Variants in GRIN2C observed in about 807,000 individuals in gnomAD.
GRIN2C encodes glutamate receptor ionotropic, NMDA 2C.
GRIN2C carries 64 observed loss-of-function variants against 77.7 expected under a neutral mutation model. That is an observed-to-expected ratio of 0.82 (90% CI 0.67 to 1.01). The LOEUF (loss-of-function observed/expected upper bound fraction) is 1.01, where lower values mean the gene tolerates loss of function less well. Ranked by LOEUF, GRIN2C falls within the 50% of genes least tolerant of loss-of-function variation. The pLI is 0.00. For synonymous variants in GRIN2C, 792 were observed against 643.4 expected (o/e 1.23, Z -3.49); for missense variants, 1,549 against 1,486.0 (o/e 1.04, Z -0.70).
intron 4 of GRIN2C, 67 bp downstream of exon 4, chr17:74,851,510 G>A (rs1319926821): frequency 1.2e-6 from 1 of 855,994 alleles, no homozygotes; most frequent in Admixed American, 2.0e-5. Flanking sequence ...GCTCAGCTGT[G>A]GGCACAAGAG....
chr17:74,852,019 A>G lies in GRIN2C; in HGVS notation c.992T>C (p.Phe331Ser). The G allele has an allele frequency of 1.4e-6, 2 of 1,466,160 alleles. No homozygotes were observed. Among genetic ancestry groups the G allele is most frequent in the Non-Finnish European group, 1.8e-6 (2 of 1,107,488 alleles). The allele number at this position is 1,466,160 out of a possible 1,614,324, so 90.8% of individuals were successfully genotyped here. Residue 331 changes from phenylalanine to serine, a missense_variant, in exon 3 of 13, where the codon TTC becomes TCC. By Grantham distance (155) the Phe-to-Ser change is radical. Transcript: ENST00000293190. Reference sequence around the variant, plus strand: ...GCCCCGGGCAGGTGCCCACCTGTAGAAGGCCTCCCGGGCAGGGCTGACGGG... The same window carrying G: ...GCCCCGGGCAGGTGCCCACCTGTAGGAGGCCTCCCGGGCAGGGCTGACGGG... ...PGPVSPAREA[F>S]YRHLLNVTWE...
chr17:74,843,589 C>A lies in GRIN2C; in HGVS notation c.2584-36G>T, dbSNP rs1353620162. On this transcript the variant is annotated intron_variant, in intron 12 of 12. Coordinates refer to ENST00000293190, the MANE Select transcript of GRIN2C (RefSeq NM_000835.6). ...GGGAGACGACAGGCCGTAAGCAGCG[C>A]CCTCCGCTCAGGGACCCGCCACGAT... is the stretch of plus-strand genomic sequence containing the variant. 3.3e-6 allele frequency: 5 copies of A among 1,526,428 alleles called. No homozygotes were observed. In the South Asian group the frequency reaches 6.0e-5, roughly 18 times the overall value. 94.6% of individuals were successfully genotyped at this position (1,526,428 alleles called of 1,614,324 possible).
intron 1 of GRIN2C, among the ~76,000 whole-genome samples, chr17:74,856,376 G>A (rs976624726): frequency 1.3e-5 from 2 of 152,122 alleles, no homozygotes; most frequent in East Asian, 1.9e-4. Context: ...CCACGCCTCC[G>A]AAAGACAGAT....
upstream of GRIN2C, chr17:74,860,940 C>G (rs1033490163): frequency 5.4e-6 from 1 of 186,356 alleles, no homozygotes; most frequent in Admixed American, 5.8e-5. Context: ...CGCACAGCCC[C>G]CTTTCACCTT....
intron 11 of GRIN2C, 37 bp from the exon 12 acceptor site, chr17:74,844,545 C>G: frequency 6.3e-7 from 1 of 1,599,174 alleles, no homozygotes; most frequent in South Asian, 1.1e-5. Flanking sequence ...GCTCAGGAAA[C>G]CCCCCTATAA....
chr17:74,842,430 A>G lies in GRIN2C; in HGVS notation c.*5T>C. The G allele has an allele frequency of 1.3e-6, 1 of 771,494 alleles. No individual in the cohort carries two copies. 47.8% of individuals were successfully genotyped at this position (771,494 alleles called of 1,614,324 possible). ...AGCTGGCTCGGAGCCTGAGTGGCTG[A>G]TAACTCACACTTCTGACTCCAGACT... On this transcript the variant is annotated 3_prime_UTR_variant, in exon 13 of 13. Coordinates refer to ENST00000293190, the MANE Select transcript of GRIN2C (RefSeq NM_000835.6).
chr17:74,860,212 A>G (rs1419491012), upstream of GRIN2C, among the ~76,000 whole-genome samples: 1 of 152,216 alleles, frequency 6.6e-6, no homozygotes, highest in Non-Finnish European at 1.5e-5. Context: ...CAAAGTCACT[A>G]GCACCGCCAA....
rs1357233745 is a variant in GRIN2C, at chr17:74,847,410, G to A, written c.1899C>T (p.Ala633=). Residue 633 remains alanine, a synonymous_variant, in exon 9 of 13, where the codon GCC becomes GCT. Coordinates refer to ENST00000293190, the MANE Select transcript of GRIN2C (RefSeq NM_000835.6). The surrounding 1 kb of genome is among the most constrained non-coding windows in gnomAD (Gnocchi z 5.2). ...TGGCGAGGAAGATGACAGCAAAGAA[G>A]GCCCAGACCAGAACCATGATCTTGC... The part of the protein sequence containing the change: ...TTSKIMVLVW[A]FFAVIFLASY... The A allele has an allele frequency of 6.2e-7, 1 of 1,613,998 alleles. No individual in the cohort carries two copies. Among genetic ancestry groups the A allele is most frequent in the Admixed American group, 1.7e-5 (1 of 60,008 alleles).
rs776301299 is a variant in GRIN2C, at chr17:74,852,067, C to T, written c.944G>A (p.Gly315Glu). 1 of 1,458,016 alleles carries T rather than the reference C, an allele frequency of 6.9e-7. No individual in the cohort carries two copies. The highest frequency in any genetic ancestry group is 2.6e-5 in the East Asian group (1 of 38,540). 90.3% of individuals were successfully genotyped at this position (1,458,016 alleles called of 1,614,324 possible). Residue 315 changes from glycine (G) to glutamate (E), a missense_variant, in exon 3 of 13, where the codon GGG (glycine) becomes GAG (glutamate). Physicochemically the swap from Gly to Glu is moderately conservative, Grantham distance 98. Coordinates refer to ENST00000293190, the MANE Select transcript of GRIN2C (RefSeq NM_000835.6). ...GGGCCCAGGGTGAACACGGCAGTCC[C>T]CGGCCGGGGCTGGCAGGGTTCCATG... ...RQHGTLPAPAGDCRVHPGPVS... is the reference protein window; with the variant it reads ...RQHGTLPAPAEDCRVHPGPVS...
rs576162554 is a variant in GRIN2C, at chr17:74,842,814, G to C, written c.3323C>G (p.Pro1108Arg). Reference sequence around the variant, plus strand: ...GCGCCTGCAGGCCGAGTGGCCGTCGGGGCGGGCGCAGGCGGGGCCGGTGCA... The same window carrying C: ...GCGCCTGCAGGCCGAGTGGCCGTCGCGGCGGGCGCAGGCGGGGCCGGTGCA... ...AGCTGPACAR[P>R]DGHSACRRLA... The change falls in exon 13 of 13, where the codon CCC becomes CGC. Residue 1108 changes from proline (P) to arginine (R), a missense_variant. Coordinates refer to ENST00000293190, the MANE Select transcript of GRIN2C (RefSeq NM_000835.6). 4.9e-6 allele frequency: 3 copies of C among 608,338 alleles called. No individual in the cohort carries two copies. The highest frequency in any genetic ancestry group is 3.8e-5 in the South Asian group (2 of 52,384). 37.7% of individuals were successfully genotyped at this position (608,338 alleles called of 1,614,324 possible). A position where few individuals can be genotyped will look rare whatever the true frequency, so the allele number is the denominator to read the frequency against.
Position 74,849,726 on chromosome 17 carries a change from C to A in GRIN2C, c.1645+54G>T. 6.4e-7 allele frequency: 1 copy of A among 1,553,618 alleles called. No individual in the cohort carries two copies. The highest frequency in any genetic ancestry group is 8.7e-7 in the Non-Finnish European group (1 of 1,143,168). Reference sequence around the variant, plus strand: ...CATCCCCACCCAAGCTGTACACACCCTCCTCGTGGGCCCCTCTGCCCCCGG... The same window carrying A: ...CATCCCCACCCAAGCTGTACACACCATCCTCGTGGGCCCCTCTGCCCCCGG... On this transcript the variant is annotated intron_variant, in intron 7 of 12. Transcript: ENST00000293190. This position sits in a 1 kb window ranked among gnomAD's most constrained non-coding sequence, Gnocchi z 4.6.
chr17:74,850,148 G>T lies in GRIN2C; in HGVS notation c.1491+58C>A. 1 of 1,576,390 alleles carries T rather than the reference G, an allele frequency of 6.3e-7. No individual in the cohort carries two copies. Among genetic ancestry groups the T allele is most frequent in the Non-Finnish European group, 8.7e-7 (1 of 1,151,154 alleles). On this transcript the variant is annotated intron_variant, in intron 6 of 12. Coordinates refer to ENST00000293190, the MANE Select transcript of GRIN2C (RefSeq NM_000835.6). The surrounding 1 kb of genome is among the most constrained non-coding windows in gnomAD (Gnocchi z 5.3). Reference sequence around the variant, plus strand: ...TAGAGGGCATCTGAGAGCCACATGGGGCCTGGGCAGCAGGTGGGCAGGCAG... The same window carrying T: ...TAGAGGGCATCTGAGAGCCACATGGTGCCTGGGCAGCAGGTGGGCAGGCAG...
Position 74,842,256 on chromosome 17 carries a change from C to G in GRIN2C, c.*179G>C. On this transcript the variant is annotated 3_prime_UTR_variant, in exon 13 of 13. Transcript: ENST00000293190. ...AGAAGAGGACAGCAAAAGCCCAGCC[C>G]TCACCATGATTTGAGGCTACTGAGG... The G allele has an allele frequency of 1.8e-6, 1 of 563,574 alleles. No individual in the cohort carries two copies. The highest frequency in any genetic ancestry group is 3.1e-6 in the Non-Finnish European group (1 of 318,632). The allele number at this position is 563,574 out of a possible 1,614,324, so 34.9% of individuals were successfully genotyped here.
Position 74,842,950 on chromosome 17 carries a change from G to C in GRIN2C, c.3187C>G (p.Arg1063Gly). The C allele has an allele frequency of 1.8e-6, 1 of 552,504 alleles. No individual in the cohort carries two copies. Among genetic ancestry groups the C allele is most frequent in the Non-Finnish European group, 3.2e-6 (1 of 315,166 alleles). 34.2% of individuals were successfully genotyped at this position (552,504 alleles called of 1,614,324 possible). A position where few individuals can be genotyped will look rare whatever the true frequency, so the allele number is the denominator to read the frequency against. ...CAGGCCGCGTGCAGCAGGGCCTCCCGCCGGGCCAGCTGCTCCGGACCGAGC... is the reference window on the plus strand; with the variant it reads ...CAGGCCGCGTGCAGCAGGGCCTCCCCCCGGGCCAGCTGCTCCGGACCGAGC... ...PLLGPEQLAR[R>G]EALLHAAWAR... is the part of the protein sequence containing the mutation. The change falls in exon 13 of 13, where the codon CGG (arginine) becomes GGG (glycine). Residue 1063 changes from arginine (R) to glycine (G), a missense_variant. Arg to Gly is a moderately radical substitution (Grantham distance 125). Coordinates refer to ENST00000293190, the MANE Select transcript of GRIN2C (RefSeq NM_000835.6).
Position 74,852,402 on chromosome 17 carries a change from C to T in GRIN2C, c.609G>A (p.Leu203=), listed in dbSNP as rs771815536. ...WRLLDVVTLE[L]GPGGPRARTQ... ...TGCGCGCGCGCGGCCCTCCCGGGCCCAGCTCCAGCGTGACCACGTCCAGCA... is the reference window on the plus strand; with the variant it reads ...TGCGCGCGCGCGGCCCTCCCGGGCCTAGCTCCAGCGTGACCACGTCCAGCA... The change falls in exon 3 of 13, where the codon CTG becomes CTA. Residue 203 remains leucine (L), a synonymous_variant. Coordinates refer to ENST00000293190, the MANE Select transcript of GRIN2C (RefSeq NM_000835.6). 1 of 1,471,284 alleles carries T rather than the reference C, an allele frequency of 6.8e-7. No homozygotes were observed. The highest frequency in any genetic ancestry group is 2.8e-5 in the East Asian group (1 of 35,908). The allele number at this position is 1,471,284 out of a possible 1,614,324, so 91.1% of individuals were successfully genotyped here. A position where few individuals can be genotyped will look rare whatever the true frequency, so the allele number is the denominator to read the frequency against.
Position 74,842,502 on chromosome 17 carries a change from C to T in GRIN2C, c.3635G>A (p.Arg1212His), listed in dbSNP as rs749941649. ...GGGTCCCGGGAAGCCTTGCGTCCCA[C>T]GGGCTACCCTGCTGATCTCGTCCAG... ...GGLDEISRVA[R>H]GTQGFPGPCT... The change falls in exon 13 of 13, where the codon CGT (arginine) becomes CAT (histidine). Residue 1212 changes from arginine to histidine, a missense_variant. This residue lies in a region of GRIN2C where 450 missense variants were observed against 267.9 expected (regional missense o/e 1.68). Transcript: ENST00000293190. The T allele has an allele frequency of 3.9e-6, 3 of 779,064 alleles. No individual in the cohort carries two copies. Among genetic ancestry groups the T allele is most frequent in the Non-Finnish European group, 7.2e-6 (3 of 417,720 alleles). The allele number at this position is 779,064 out of a possible 1,614,324, so 48.3% of individuals were successfully genotyped here. A position where few individuals can be genotyped will look rare whatever the true frequency, so the allele number is the denominator to read the frequency against.
intron 2 of GRIN2C, 80 bp from the exon 3 acceptor site, chr17:74,852,691 C>G: frequency 4.8e-6 from 3 of 628,012 alleles, no homozygotes; most frequent in Non-Finnish European, 7.3e-6. Flanking sequence ...GCCCCTCCAT[C>G]AGCTCCCAGG....
At position 74,849,723 on chromosome 17, in the gene GRIN2C, A is replaced by G; in HGVS notation, c.1645+57T>C. 1 of 1,532,760 alleles carries G rather than the reference A, an allele frequency of 6.5e-7. No homozygotes were observed. Among genetic ancestry groups the G allele is most frequent in the Non-Finnish European group, 8.9e-7 (1 of 1,128,036 alleles). 94.9% of individuals were successfully genotyped at this position (1,532,760 alleles called of 1,614,324 possible). A position where few individuals can be genotyped will look rare whatever the true frequency, so the allele number is the denominator to read the frequency against. On this transcript the variant is annotated intron_variant, in intron 7 of 12. Transcript: ENST00000293190. This position sits in a 1 kb window ranked among gnomAD's most constrained non-coding sequence, Gnocchi z 4.6. ...CCCCATCCCCACCCAAGCTGTACAC[A>G]CCCTCCTCGTGGGCCCCTCTGCCCC...
chr17:74,844,359 C>A lies in GRIN2C; in HGVS notation c.2500G>T (p.Ala834Ser), dbSNP rs754498629. The stretch of plus-strand genomic sequence containing the variant: ...TTCCAGTAGACCAGGTGCTCCCAGG[C>A]GAAGACCAGCAGGGCCAGCCCCATG... ...VAMGLALLVF[A>S]WEHLVYWKLR... Residue 834 changes from alanine (A) to serine (S), a missense_variant, in exon 12 of 13, where the codon GCC becomes TCC. Around this residue, in one of 3 missense-constraint regions of GRIN2C, gnomAD observed 717 missense variants for 858.1 expected, o/e 0.84. Transcript: ENST00000293190. 5 of 1,614,030 alleles carry A rather than the reference C, an allele frequency of 3.1e-6. No homozygotes were observed. The highest frequency in any genetic ancestry group is 4.2e-6 in the Non-Finnish European group (5 of 1,180,040).
Sources: allele counts gnomAD v4.1 joint callset (sites outside exome capture counted in the v4.1 genomes callset), GRCh38; gene constraint gnomAD v4.1.1; regional missense constraint gnomAD v4.1.1; non-coding constraint Gnocchi (gnomAD v3.1); transcripts MANE v1.5; gene names NCBI Gene and HGNC (gene_info 2026-07-23, HGNC 2026-07-21).